Variants in ABCA5 observed in about 807,000 individuals in gnomAD.
ABCA5 encodes ATP binding cassette subfamily A member 5, also known as cholesterol transporter ABCA5.
ABCA5 carries 163 observed loss-of-function variants against 206.0 expected under a neutral mutation model. That is an observed-to-expected ratio of 0.79 (90% confidence interval 0.70 to 0.90). The LOEUF is 0.90. ABCA5 is among the 40% of genes least tolerant of loss of function. The pLI is 0.00. For missense variants in ABCA5, 1,859 were observed against 1,912.9 expected, an observed-to-expected ratio of 0.97 and a Z score of 0.53; for synonymous variants, 609 against 613.8, an observed-to-expected ratio of 0.99 and a Z score of 0.11.
intron 11 of ABCA5, among the ~76,000 whole-genome samples, chr17:69,292,766 T>A (rs987292155): frequency 1.3e-5 from 2 of 152,200 alleles, no homozygotes; most frequent in Non-Finnish European, 2.9e-5. Flanking sequence ...TAAATTGGAC[T>A]TCATTCAAAT....
intron 17 of ABCA5, chr17:69,285,403 T>C (rs2075440095): frequency 6.6e-6 from 1 of 152,156 alleles, no homozygotes; most frequent in African/African-American, 2.4e-5. Flanking sequence ...TAACATCCTT[T>C]TGTCTATCAA....
At position 69,247,634 on chromosome 17, in the gene ABCA5, T is replaced by G. The variant is rs1183930043; in HGVS notation, c.4832A>C (p.Glu1611Ala). Residue 1611 changes from glutamate to alanine, a missense_variant, in exon 39 of 39, where the codon GAA becomes GCA. Transcript: ENST00000392676. ...TTCCTCCTCTTGTTCTTTAGTGAGT[T>G]CTACAAAAACCTAGGTGAAAAGAAA... ...SQATLEQVFV[E>A]LTKEQEEEDN... 6.2e-7 allele frequency: 1 copy of G among 1,604,298 alleles called. No homozygotes were observed. The highest frequency in any genetic ancestry group is 1.3e-5 in the African/African-American group (1 of 74,578).
At chr17:69,323,544 A>G (rs1326089892) in intron 1 of ABCA5, among the ~76,000 whole-genome samples, 7 of 152,168 alleles carry the variant, frequency 4.6e-5, no homozygotes, top group Non-Finnish European at 7.3e-5. Context: ...CATGGAGCTG[A>G]TTATCACTCC....
Position 69,268,067 on chromosome 17 carries a change from AC to A in ABCA5, c.3031-12del, listed in dbSNP as rs1331773053. 3 of 1,255,408 alleles carry A rather than the reference AC, an allele frequency of 2.4e-6. No homozygotes were observed. The highest frequency in any genetic ancestry group is 3.5e-6 in the Non-Finnish European group (3 of 855,980). 77.8% of individuals were successfully genotyped at this position (1,255,408 alleles called of 1,614,324 possible). ...TATATCAGTAATTTCCTGAAAGACA[AC>A]CACAGAGTAACAAATGGAACTGAGA... On this transcript the variant is annotated splice_polypyrimidine_tract_variant and intron_variant, in intron 22 of 38. Coordinates refer to ENST00000392676, the MANE Select transcript of ABCA5 (RefSeq NM_172232.4).
chr17:69,255,490 T>A (rs1245307307), intron 31 of ABCA5, 53 bp downstream of exon 31: 3 of 1,132,152 alleles, frequency 2.6e-6, no homozygotes, highest in African/African-American at 3.2e-5. Context: ...AAGTTTATGT[T>A]AATTAACAAT....
At chr17:69,314,539 A>T in intron 1 of ABCA5, 109 bp from the exon 2 acceptor site, 1 of 638,690 alleles carries the variant, frequency 1.6e-6, no homozygotes, top group Non-Finnish European at 2.8e-6. Context: ...AGATGGATTA[A>T]GCATACTCCA....
intron 17 of ABCA5, among the ~76,000 whole-genome samples, chr17:69,285,225 A>T (rs1436799448): frequency 6.6e-6 from 1 of 152,184 alleles, no homozygotes; most frequent in Non-Finnish European, 1.5e-5. Context: ...GTTACTAAAG[A>T]ATAGGAGATA....
At chr17:69,267,264 A>C (rs931700509) in intron 23 of ABCA5, among the ~76,000 whole-genome samples, 1 of 152,172 alleles carries the variant, frequency 6.6e-6, no homozygotes, top group Admixed American at 6.5e-5. Flanking sequence ...GTTTTTACTG[A>C]ATTAAGATCA....
chr17:69,303,796 A>G lies in ABCA5; in HGVS notation c.930+873T>C, dbSNP rs1380532430. 1.4e-3 allele frequency among the ~76,000 whole-genome samples: 10 copies of G among 7,110 alleles called. No homozygotes were observed. In the Non-Finnish European group the frequency reaches 0.046, roughly 33 times the overall value. The allele number at this position is 7,110 out of a possible 152,430, so 4.7% of individuals were successfully genotyped here. A position where few individuals can be genotyped will look rare whatever the true frequency, so the allele number is the denominator to read the frequency against. ...AAAAAAAAAAAAAAAATATATATAT[A>G]TATATATATATACATACATATATAT... is the stretch of plus-strand genomic sequence containing the variant. On this transcript the variant is annotated intron_variant, in intron 7 of 38. Transcript: ENST00000392676.
In ABCA5 at chr17:69,306,806, A is replaced by G; in HGVS notation, c.707T>C (p.Leu236Ser). ...TTTTTCTGCTACGATATGAATTGCC[A>G]AAAAGTATCCAAAAGGTGAAAATGC... ...VIAFSPFGYF[L>S]AIHIVAEKEK... is the part of the protein sequence containing the mutation. Residue 236 changes from leucine (L) to serine (S), a missense_variant, in exon 6 of 39, where the codon TTG becomes TCG. By Grantham distance (145) the Leu-to-Ser change is moderately radical. Coordinates refer to ENST00000392676, the MANE Select transcript of ABCA5 (RefSeq NM_172232.4). 1 of 1,596,750 alleles carries G rather than the reference A, an allele frequency of 6.3e-7. No individual in the cohort carries two copies. The highest frequency in any genetic ancestry group is 8.5e-7 in the Non-Finnish European group (1 of 1,171,284).
intron 1 of ABCA5, among the ~76,000 whole-genome samples, chr17:69,325,174 G>T (rs1392948786): frequency 6.6e-6 from 1 of 151,558 alleles, no homozygotes; most frequent in African/African-American, 2.4e-5. Flanking sequence ...CCAGGCGTAG[G>T]GGCACACAAC....
intron 28 of ABCA5, among the ~76,000 whole-genome samples, chr17:69,257,243 T>C (rs931028065): frequency 1.3e-5 from 2 of 151,580 alleles, no homozygotes; most frequent in African/African-American, 2.4e-5. Flanking sequence ...TGGTGGCACA[T>C]GCCTGTAATC....
At chr17:69,310,846 T>G (rs2075761456) in intron 3 of ABCA5, among the ~76,000 whole-genome samples, 2 of 152,332 alleles carry the variant, frequency 1.3e-5, no homozygotes, top group Admixed American at 1.3e-4. Context: ...AATGCCTAGC[T>G]GATGACACTG....
Position 69,309,280 on chromosome 17 carries a change from T to C in ABCA5, c.451A>G (p.Ile151Val). 3 of 1,581,158 alleles carry C rather than the reference T, an allele frequency of 1.9e-6. No homozygotes were observed. The highest frequency in any genetic ancestry group is 1.2e-5 in the South Asian group (1 of 84,696). ...FFPDMIPVSS[I>V]YMDSRAGCSK... ...TATTTACCTCTTGAATCCATATAAA[T>C]AGAAGATACTGGAATCATATCAGGA... Residue 151 changes from isoleucine (I) to valine (V), a missense_variant, in exon 4 of 39, where the codon ATT becomes GTT. Ile to Val is a conservative substitution (Grantham distance 29). Coordinates refer to ENST00000392676, the MANE Select transcript of ABCA5 (RefSeq NM_172232.4).
At chr17:69,264,414 A>AT (rs1465185626) in intron 24 of ABCA5, among the ~76,000 whole-genome samples, 1 of 152,154 alleles carries the variant, frequency 6.6e-6, no homozygotes, top group Non-Finnish European at 1.5e-5. Flanking sequence ...TTGTGAAATT[A>AT]TTTTCAGGCA....
chr17:69,250,033 A>G (rs1380235524), intron 36 of ABCA5, 49 bp from the exon 37 acceptor site: 5 of 1,198,946 alleles, frequency 4.2e-6, no homozygotes, highest in Non-Finnish European at 1.1e-6. Context: ...TACTACTATT[A>G]TGTTCTAAAG....
At chr17:69,296,703 G>T (rs151192498) in intron 10 of ABCA5, among the ~76,000 whole-genome samples, 2 of 152,156 alleles carry the variant, frequency 1.3e-5, no homozygotes, top group Non-Finnish European at 2.9e-5. Flanking sequence ...GGTGGCTTAC[G>T]CCTGTAATCC....
chr17:69,291,302 C>T lies in ABCA5; in HGVS notation c.1520G>A (p.Gly507Asp), dbSNP rs1301932763. Residue 507 changes from glycine to aspartate, a missense_variant, in exon 12 of 39, where the codon GGT becomes GAT. Transcript: ENST00000392676. ...GTGGCCAAGTAAGGCAGTAATCTGA[C>T]CCTCATATATGTCAAATGACAAATC... ...LRNLSFDIYEGQITALLGHSG... is the reference protein window; with the variant it reads ...LRNLSFDIYEDQITALLGHSG... The T allele has an allele frequency of 6.2e-7, 1 of 1,608,378 alleles. No individual in the cohort carries two copies. The highest frequency in any genetic ancestry group is 1.7e-5 in the Admixed American group (1 of 59,778).
At chr17:69,263,359 G>A (rs1009092309) in intron 24 of ABCA5, among the ~76,000 whole-genome samples, 1 of 152,044 alleles carries the variant, frequency 6.6e-6, no homozygotes, top group East Asian at 1.9e-4. Flanking sequence ...TCTTATAGTT[G>A]ATGTCTTACC....
Sources: allele counts gnomAD v4.1 joint callset (sites outside exome capture counted in the v4.1 genomes callset), GRCh38; gene constraint gnomAD v4.1.1; transcripts MANE v1.5; gene names NCBI Gene and HGNC (gene_info 2026-07-23, HGNC 2026-07-21).